Variants in HERC2 observed in about 807,000 individuals in gnomAD.
HERC2 encodes the protein E3 ubiquitin-protein ligase HERC2.
Under a neutral mutation model 537.7 loss-of-function variants are expected in HERC2, and 102 were observed. The ratio of observed to expected loss-of-function variants is 0.19; its 90% CI spans 0.16 to 0.22. The LOEUF (loss-of-function observed/expected upper bound fraction) is 0.22. Ranked by LOEUF, HERC2 falls within the 10% of genes least tolerant of loss-of-function variation. The pLI, the probability that HERC2 is intolerant of heterozygous loss-of-function variation, is 1.00. For synonymous variants in HERC2, 2,224 were observed against 2,466.2 expected (o/e 0.90, Z 2.91); for missense variants, 4,236 against 6,198.2 (o/e 0.68, Z 10.63).
rs1175618192 is a variant in HERC2, at chr15:28,169,566, T to C, written c.10147A>G (p.Ile3383Val). Reference sequence around the variant, plus strand: ...AGATTTCCATCCAATGACAAGAGAATCTTGGCAAGAGAAGGGCGATTTGGC... The same window carrying C: ...AGATTTCCATCCAATGACAAGAGAACCTTGGCAAGAGAAGGGCGATTTGGC... Reference protein sequence around the residue: ...SKPNRPSLAKILLSLDGNLAK... With the variant: ...SKPNRPSLAKVLLSLDGNLAK... The change falls in exon 66 of 93, where the codon ATT becomes GTT. Residue 3383 changes from isoleucine to valine, a missense_variant. This residue lies in a region of HERC2 where 356 missense variants were observed against 450.9 expected (regional missense o/e 0.79). Coordinates refer to ENST00000261609, the MANE Select transcript of HERC2 (RefSeq NM_004667.6). 3 of 1,613,552 alleles carry C rather than the reference T, an allele frequency of 1.9e-6. No individual in the cohort carries two copies. The highest frequency in any genetic ancestry group is 2.5e-6 in the Non-Finnish European group (3 of 1,179,638).
chr15:28,136,283 G>C (rs1405316048), intron 78 of HERC2, among the ~76,000 whole-genome samples: 3 of 152,026 alleles, frequency 2.0e-5, no homozygotes, highest in African/African-American at 7.2e-5. Context: ...CTTAAATGCT[G>C]TTCCATGCTG....
intron 6 of HERC2, among the ~76,000 whole-genome samples, 181 bp from the exon 7 acceptor site, chr15:28,274,628 C>T (rs1465111442): frequency 6.6e-6 from 1 of 152,250 alleles, no homozygotes; most frequent in Non-Finnish European, 1.5e-5. Context: ...GAGCAATACA[C>T]TAACTTCTTG....
intron 23 of HERC2, among the ~76,000 whole-genome samples, chr15:28,243,804 G>A (rs1272264399): frequency 6.6e-6 from 1 of 152,050 alleles, no homozygotes; most frequent in African/African-American, 2.4e-5. Flanking sequence ...CAATCACCGT[G>A]GAAAACTGGC....
At chr15:28,264,111 A>G (rs969974965) in intron 14 of HERC2, among the ~76,000 whole-genome samples, 16 of 152,128 alleles carry the variant, frequency 1.1e-4, no homozygotes, top group Admixed American at 9.8e-4. Context: ...GAAACCAGAG[A>G]AGATATCAGA....
chr15:28,238,458 G>A, intron 24 of HERC2, 144 bp downstream of exon 24: 1 of 723,538 alleles, frequency 1.4e-6, no homozygotes, highest in South Asian at 1.9e-5. Context: ...TGAATTTGTT[G>A]ATAAGACAGA....
At chr15:28,256,874 C>T (rs1239662200) in intron 17 of HERC2, among the ~76,000 whole-genome samples, 187 bp downstream of exon 17, 5 of 152,212 alleles carry the variant, frequency 3.3e-5, no homozygotes, top group African/African-American at 1.2e-4. Flanking sequence ...GGATTACAGG[C>T]GTGAGCCACC....
At chr15:28,236,448 G>A (rs2346091) in intron 26 of HERC2, among the ~76,000 whole-genome samples, 7,370 of 149,772 alleles carry the variant, frequency 0.049, 272 homozygotes, top group Admixed American at 0.12. Context: ...CCGTCACCAC[G>A]CCCAGCTAAT....
Position 28,228,355 on chromosome 15 carries a change from C to G in HERC2, c.5327G>C (p.Ser1776Thr). 1 of 1,612,102 alleles carries G rather than the reference C, an allele frequency of 6.2e-7. No individual in the cohort carries two copies. The highest frequency in any genetic ancestry group is 2.2e-5 in the East Asian group (1 of 44,880). The change falls in exon 35 of 93, where the codon AGC becomes ACC. Residue 1776 changes from serine to threonine, a missense_variant. By Grantham distance (58) the Ser-to-Thr change is moderately conservative. Transcript: ENST00000261609. ...GCGGGCTTGCGGGATGGTCCCCAGG[C>G]TCGGTCCTGACGGGTTCTCATTGGT... ...TITNENPSGP[S>T]LGTIPQARFL...
intron 74 of HERC2, 57 bp from the exon 75 acceptor site, chr15:28,143,009 C>A: frequency 6.4e-7 from 1 of 1,555,522 alleles, no homozygotes; most frequent in African/African-American, 1.4e-5. Context: ...GGGAGGCTGA[C>A]CATTTGTTTC....
rs1334610284 is a variant in HERC2, at chr15:28,177,611, G to A, written c.9164-102C>T. On this transcript the variant is annotated intron_variant, in intron 59 of 92. Transcript: ENST00000261609. The surrounding 1 kb of genome is among the most constrained non-coding windows in gnomAD (Gnocchi z 5.0). ...GCCTGGCATATAGCACACACTCAATGAGCGTGAGCTGAATAAATGAGTAAC... is the reference window on the plus strand; with the variant it reads ...GCCTGGCATATAGCACACACTCAATAAGCGTGAGCTGAATAAATGAGTAAC... The A allele has an allele frequency of 7.4e-6, 7 of 941,448 alleles. No individual in the cohort carries two copies. The highest frequency in any genetic ancestry group is 1.0e-5 in the Non-Finnish European group (6 of 582,758). The allele number at this position is 941,448 out of a possible 1,614,324, so 58.3% of individuals were successfully genotyped here. A position where few individuals can be genotyped will look rare whatever the true frequency, so the allele number is the denominator to read the frequency against.
Position 28,256,196 on chromosome 15 carries a change from C to T in HERC2, c.2639G>A (p.Ser880Asn). Residue 880 changes from serine (S) to asparagine (N), a missense_variant, in exon 18 of 93, where the codon AGC becomes AAC. Ser to Asn is a conservative substitution (Grantham distance 46, BLOSUM62 1). Around this residue, in one of 27 missense-constraint regions of HERC2, gnomAD observed 754 missense variants for 1,085.0 expected, o/e 0.69. Transcript: ENST00000261609. ...VTLASSAGVL[S>N]TVQSAAQAVL... The stretch of plus-strand genomic sequence containing the variant: ...GGCCTGGGCGGCCGACTGCACGGTG[C>T]TCAGCACGCCCGCACTGCTGGCCAG... 6.2e-7 allele frequency: 1 copy of T among 1,601,074 alleles called. No individual in the cohort carries two copies.
Position 28,256,916 on chromosome 15 carries a change from C to T in HERC2, c.2517+145G>A, listed in dbSNP as rs113668723. The T allele has an allele frequency of 1.2e-3, 871 of 738,812 alleles. 7 individuals are homozygous for T. The African/African-American group carries it at 0.014, about 12-fold the overall frequency. The allele number at this position is 738,812 out of a possible 1,614,324, so 45.8% of individuals were successfully genotyped here. A position where few individuals can be genotyped will look rare whatever the true frequency, so the allele number is the denominator to read the frequency against. On this transcript the variant is annotated intron_variant, in intron 17 of 92. Coordinates refer to ENST00000261609, the MANE Select transcript of HERC2 (RefSeq NM_004667.6). Reference sequence around the variant, plus strand: ...AGCCCAGATCATGTTTTTTAAGACTCGCGTCCATTATTAGTGCATTACAAT... The same window carrying T: ...AGCCCAGATCATGTTTTTTAAGACTTGCGTCCATTATTAGTGCATTACAAT...
At chr15:28,194,528 C>T (rs1292759654) in intron 52 of HERC2, among the ~76,000 whole-genome samples, 6 of 151,428 alleles carry the variant, frequency 4.0e-5, no homozygotes, top group Admixed American at 1.3e-4. Context: ...CAAGATCACG[C>T]GCCACTGCAC....
chr15:28,162,260 G>A (rs1596091842), intron 69 of HERC2, among the ~76,000 whole-genome samples: 1 of 152,352 alleles, frequency 6.6e-6, no homozygotes, highest in African/African-American at 2.4e-5. Flanking sequence ...ATCCCGGGAG[G>A]TAGAGGTGAT....
Position 28,224,854 on chromosome 15 carries a change from T to C in HERC2, c.5465-2639A>G, listed in dbSNP as rs75909135. ...AAATAAAAAAAAGAAAAGTGGAAAA[T>C]TTACAAGTATATGAAAATTAAACAA... On this transcript the variant is annotated intron_variant, in intron 35 of 92. Coordinates refer to ENST00000261609, the MANE Select transcript of HERC2 (RefSeq NM_004667.6). Among the ~76,000 whole-genome samples, 400 of 152,102 alleles carry C rather than the reference T, an allele frequency of 2.6e-3. 3 individuals carry two copies. The highest frequency in any genetic ancestry group is 7.2e-3 in the Admixed American group (110 of 15,276).
intron 52 of HERC2, among the ~76,000 whole-genome samples, chr15:28,193,392 T>C (rs1267325416): frequency 6.6e-6 from 1 of 152,100 alleles, no homozygotes; most frequent in African/African-American, 2.4e-5. Flanking sequence ...TGAACTCAGC[T>C]GAAGAGAAAG....
intron 2 of HERC2, among the ~76,000 whole-genome samples, chr15:28,319,411 T>A (rs2077174456): frequency 6.6e-6 from 1 of 151,268 alleles, no homozygotes; most frequent in African/African-American, 2.4e-5. Context: ...TGAAACCCCA[T>A]CTCTACTAAA....
At chr15:28,275,350 A>C (rs765107176) in intron 5 of HERC2, among the ~76,000 whole-genome samples, 40 of 152,234 alleles carry the variant, frequency 2.6e-4, no homozygotes, top group Non-Finnish European at 4.1e-4. Flanking sequence ...CACATGGGAG[A>C]CCAGGCCGGA....
chr15:28,236,242 A>C (rs1235264971), intron 26 of HERC2, among the ~76,000 whole-genome samples: 9 of 152,180 alleles, frequency 5.9e-5, no homozygotes, highest in African/African-American at 2.2e-4. Context: ...TACCTGATTG[A>C]GTCTCACTAT....
Sources: allele counts gnomAD v4.1 joint callset (sites outside exome capture counted in the v4.1 genomes callset), GRCh38; gene constraint gnomAD v4.1.1; regional missense constraint gnomAD v4.1.1; non-coding constraint Gnocchi (gnomAD v3.1); transcripts MANE v1.5; gene names NCBI Gene and HGNC (gene_info 2026-07-23, HGNC 2026-07-21).